The following DEPTOR variants were observed in gnomAD, a reference collection of about 807,000 sequenced individuals.
The protein encoded by DEPTOR is DEP domain containing MTOR interacting protein, also known as DEP domain-containing mTOR-interacting protein.
DEPTOR carries 41 observed loss-of-function variants against 41.6 expected under a neutral mutation model. The observed-to-expected ratio is 0.98, with a 90% CI of 0.77 to 1.28. The LOEUF (loss-of-function observed/expected upper bound fraction) is 1.28. Among genes scored for constraint, DEPTOR ranks in the 50% most tolerant of loss-of-function variants. DEPTOR has a pLI of 0.00. For synonymous variants in DEPTOR, 195 were observed against 192.3 expected, an observed-to-expected ratio of 1.01 and a Z score of -0.12; for missense variants, 514 against 527.9, an observed-to-expected ratio of 0.97 and a Z score of 0.26.
At chr8:120,042,604 C>T (rs1020919785) in intron 8 of DEPTOR, among the ~76,000 whole-genome samples, 2 of 152,056 alleles carry the variant, frequency 1.3e-5, no homozygotes, top group African/African-American at 4.8e-5. Flanking sequence ...TTGCAACTTC[C>T]GCCTCCCAGG....
intron 8 of DEPTOR, among the ~76,000 whole-genome samples, chr8:120,012,457 G>A (rs1812544596): frequency 6.6e-6 from 1 of 152,126 alleles, no homozygotes; most frequent in South Asian, 2.1e-4. Flanking sequence ...AAAAAATAAT[G>A]AATTGAGCTA....
intron 4 of DEPTOR, among the ~76,000 whole-genome samples, chr8:119,986,684 C>G (rs1268099550): frequency 2.0e-5 from 3 of 152,016 alleles, no homozygotes; most frequent in Non-Finnish European, 4.4e-5. Flanking sequence ...TAGGTTTGGT[C>G]TTTTCACATA....
intron 4 of DEPTOR, among the ~76,000 whole-genome samples, chr8:119,971,613 G>C (rs900210581): frequency 6.6e-5 from 10 of 152,180 alleles, no homozygotes; most frequent in Non-Finnish European, 1.3e-4. Context: ...TTCTTTGGCA[G>C]GTCCAGACTT....
chr8:119,966,520 C>T (rs771355162), intron 4 of DEPTOR, among the ~76,000 whole-genome samples: 7 of 152,102 alleles, frequency 4.6e-5, no homozygotes, highest in Non-Finnish European at 7.4e-5. Flanking sequence ...AGTCTCCTTC[C>T]GTCACCCAGG....
chr8:119,943,117 C>T (rs1276004110), intron 3 of DEPTOR, among the ~76,000 whole-genome samples: 4 of 152,146 alleles, frequency 2.6e-5, no homozygotes, highest in South Asian at 2.1e-4. Context: ...ACGGTTTCAC[C>T]GGAGTCCATT....
intron 8 of DEPTOR, among the ~76,000 whole-genome samples, chr8:120,010,544 AG>A (rs1362352102): frequency 6.6e-6 from 1 of 151,622 alleles, no homozygotes; most frequent in East Asian, 1.9e-4. Flanking sequence ...TGAGCCTGGG[AG>A]GCAGAGGTTG....
chr8:120,021,674 T>G (rs1204298375), intron 8 of DEPTOR, among the ~76,000 whole-genome samples: 1 of 152,180 alleles, frequency 6.6e-6, no homozygotes, highest in Non-Finnish European at 1.5e-5. Context: ...ATTCCAATTC[T>G]TTCTAGTCTT....
chr8:119,935,197 C>G, intron 3 of DEPTOR, among the ~76,000 whole-genome samples: 1 of 152,150 alleles, frequency 6.6e-6, no homozygotes, highest in East Asian at 1.9e-4. Flanking sequence ...TACAGCTCTC[C>G]ACTTAATTTT....
At chr8:119,971,697 GAGA>G (rs1828635948) in intron 4 of DEPTOR, among the ~76,000 whole-genome samples, 1 of 152,160 alleles carries the variant, frequency 6.6e-6, no homozygotes, top group East Asian at 1.9e-4. Flanking sequence ...CAGAAGCGGG[GAGA>G]AGGTCGGAGA....
intron 8 of DEPTOR, among the ~76,000 whole-genome samples, chr8:120,035,506 C>T (rs1458090133): frequency 1.3e-5 from 2 of 152,040 alleles, no homozygotes; most frequent in Non-Finnish European, 2.9e-5. Flanking sequence ...GATACCTTTC[C>T]TTCAGTGGTA....
intron 1 of DEPTOR, among the ~76,000 whole-genome samples, chr8:119,913,679 T>C (rs1422855741): frequency 6.6e-6 from 1 of 152,144 alleles, no homozygotes; most frequent in African/African-American, 2.4e-5. Context: ...AAGTTTGAGT[T>C]GAGAGATTTT....
chr8:119,991,905 C>CT (rs1349342642), intron 4 of DEPTOR, among the ~76,000 whole-genome samples: 1 of 152,196 alleles, frequency 6.6e-6, no homozygotes, highest in Non-Finnish European at 1.5e-5. Context: ...TGCTTGGACT[C>CT]TGTCAGACTG....
intron 4 of DEPTOR, among the ~76,000 whole-genome samples, chr8:119,975,615 G>A (rs1464225420): frequency 6.6e-6 from 1 of 152,060 alleles, no homozygotes; most frequent in Non-Finnish European, 1.5e-5. Context: ...GGGTATCAAG[G>A]GTGAGGGATT....
chr8:119,878,597 G>A (rs1170992314), intron 1 of DEPTOR, among the ~76,000 whole-genome samples: 1 of 151,924 alleles, frequency 6.6e-6, no homozygotes, highest in East Asian at 2.0e-4. Flanking sequence ...AAAGTGCTGT[G>A]ATTATAGGCG....
At chr8:120,044,315 G>A (rs186761956) in intron 8 of DEPTOR, among the ~76,000 whole-genome samples, 4 of 152,156 alleles carry the variant, frequency 2.6e-5, no homozygotes, top group Admixed American at 1.3e-4. Flanking sequence ...AATAGAGACA[G>A]GGTTTCACCA....
chr8:119,886,746 T>G (rs1827369555), intron 1 of DEPTOR, among the ~76,000 whole-genome samples: 1 of 152,216 alleles, frequency 6.6e-6, no homozygotes, highest in Non-Finnish European at 1.5e-5. Context: ...TTTGCAAATG[T>G]AAAACTACGA....
intron 4 of DEPTOR, among the ~76,000 whole-genome samples, chr8:119,966,867 C>T (rs1445261136): frequency 1.3e-5 from 2 of 152,166 alleles, no homozygotes; most frequent in Non-Finnish European, 2.9e-5. Flanking sequence ...CAGGGAAAAT[C>T]ATCCATTGTT....
intron 3 of DEPTOR, among the ~76,000 whole-genome samples, chr8:119,933,678 G>A (rs910951794): frequency 1.3e-5 from 2 of 152,074 alleles, no homozygotes; most frequent in African/African-American, 4.8e-5. Context: ...GAGGGACAGG[G>A]TGAGACATGA....
chr8:119,891,644 C>A (rs757382639), intron 1 of DEPTOR, among the ~76,000 whole-genome samples: 225 of 152,294 alleles, frequency 1.5e-3, no homozygotes, highest in Non-Finnish European at 2.8e-3. Context: ...CTGTCCCCCC[C>A]AGCAAAGATT....
Sources: allele counts gnomAD v4.1 joint callset (sites outside exome capture counted in the v4.1 genomes callset), GRCh38; gene constraint gnomAD v4.1.1; transcripts MANE v1.5; gene names NCBI Gene and HGNC (gene_info 2026-07-23, HGNC 2026-07-21).